Variants in CD96 observed in about 807,000 individuals in gnomAD.
CD96 encodes the protein CD96 molecule.
In CD96, 70 loss-of-function variants were observed where a neutral mutation model predicts 71.3. The ratio of observed to expected loss-of-function variants is 0.98; its 90% CI spans 0.81 to 1.20. CD96 has a LOEUF of 1.20. Among genes scored for constraint, CD96 ranks in the 50% most tolerant of loss-of-function variants. CD96 has a pLI of 0.00. For synonymous variants in CD96, 248 were observed against 233.0 expected, an observed-to-expected ratio of 1.06 and a Z score of -0.59; for missense variants, 742 against 677.5, an observed-to-expected ratio of 1.10 and a Z score of -1.06.
At chr3:111,593,788 G>C (rs1937113454) in intron 5 of CD96, 3 of 1,614,188 alleles carry the variant, frequency 1.9e-6, no homozygotes, top group Middle Eastern at 1.6e-4. Flanking sequence ...GCCTACCCCA[G>C]TTACCCTCAA....
At chr3:111,627,802 C>T (rs963760155) in intron 10 of CD96, among the ~76,000 whole-genome samples, 1 of 152,230 alleles carries the variant, frequency 6.6e-6, no homozygotes, top group African/African-American at 2.4e-5. Flanking sequence ...GAGGAATAGG[C>T]AGGTGGCCAT....
In CD96 at chr3:111,638,260, G is replaced by A; in HGVS notation, c.1477+92G>A. 3.6e-6 allele frequency: 3 copies of A among 832,610 alleles called. No homozygotes were observed. In the South Asian group the frequency reaches 4.0e-5, roughly 11 times the overall value. 51.6% of individuals were successfully genotyped at this position (832,610 alleles called of 1,614,324 possible). ...CTGCCATTTGCCAGGCATTATGCCA[G>A]TTGTTGGATATACAGTGAACACACT... On this transcript the variant is annotated intron_variant, in intron 12 of 13. Coordinates refer to ENST00000352690, the MANE Select transcript of CD96 (RefSeq NM_005816.5).
intron 12 of CD96, among the ~76,000 whole-genome samples, chr3:111,639,933 G>A (rs1425202701): frequency 6.6e-6 from 1 of 152,198 alleles, no homozygotes; most frequent in Non-Finnish European, 1.5e-5. Flanking sequence ...AAAAGGGGGA[G>A]CGTCTACATC....
intron 5 of CD96, among the ~76,000 whole-genome samples, chr3:111,587,848 T>G (rs1172638306): frequency 2.0e-5 from 3 of 152,158 alleles, no homozygotes; most frequent in African/African-American, 7.2e-5. Flanking sequence ...CCCTTTCAGT[T>G]ATGGCTGGAG....
intron 2 of CD96, among the ~76,000 whole-genome samples, chr3:111,547,318 TG>T (rs1266200397): frequency 2.6e-5 from 4 of 152,220 alleles, no homozygotes; most frequent in Non-Finnish European, 5.9e-5. Context: ...ATATGAGCCC[TG>T]CTCCTTCTTT....
rs1469059515 is a variant in CD96 at position 111,602,826 on chromosome 3, A to C, written c.1087+1912A>C. ...AAAATCTGCCATCCCTGAGTGCTAG[A>C]TTAGAGAAACGCTAAGAATATTACA... On this transcript the variant is annotated intron_variant, in intron 7 of 13. Transcript: ENST00000352690. 6.6e-5 allele frequency among the ~76,000 whole-genome samples: 10 copies of C among 152,240 alleles called. No individual in the cohort carries two copies. The East Asian group carries it at 1.9e-3, about 29-fold the overall frequency.
chr3:111,632,320 A>G (rs1939107259), intron 10 of CD96, among the ~76,000 whole-genome samples: 1 of 152,234 alleles, frequency 6.6e-6, no homozygotes, highest in African/African-American at 2.4e-5. Context: ...GGACATGAAC[A>G]GACAGTTCTC....
chr3:111,598,499 A>C (rs1937356192), intron 6 of CD96, among the ~76,000 whole-genome samples: 1 of 152,246 alleles, frequency 6.6e-6, no homozygotes, highest in African/African-American at 2.4e-5. Context: ...GAGGACAAAA[A>C]GTTTAAGTCT....
At chr3:111,557,284 CCTATGTCCTG>C (rs1935115836) in intron 2 of CD96, among the ~76,000 whole-genome samples, 1 of 116,144 alleles carries the variant, frequency 8.6e-6, no homozygotes, top group African/African-American at 4.1e-5. Flanking sequence ...CTTGCCCATG[CCTATGTCCTG>C]AATGGTAATG....
intron 8 of CD96, among the ~76,000 whole-genome samples, chr3:111,623,441 T>G (rs1329775758): frequency 6.6e-6 from 1 of 152,202 alleles, no homozygotes. Flanking sequence ...TCTTCATTGT[T>G]TATTACTATA....
chr3:111,575,969 T>C (rs1576338732), intron 3 of CD96, among the ~76,000 whole-genome samples: 1 of 152,312 alleles, frequency 6.6e-6, no homozygotes, highest in East Asian at 1.9e-4. Context: ...GCAATGAATC[T>C]CCATAATTCC....
At chr3:111,641,738 T>C (rs1314402703) in intron 12 of CD96, among the ~76,000 whole-genome samples, 1 of 152,210 alleles carries the variant, frequency 6.6e-6, no homozygotes, top group Non-Finnish European at 1.5e-5. Flanking sequence ...AGATAGACCA[T>C]ATGATAGGCC....
At chr3:111,576,578 G>C (rs1936231799) in intron 3 of CD96, among the ~76,000 whole-genome samples, 3 of 152,052 alleles carry the variant, frequency 2.0e-5, no homozygotes, top group Non-Finnish European at 2.9e-5. Context: ...TTTGTCCCCG[G>C]TTCTGGGCCT....
At position 111,575,733 on chromosome 3, in the gene CD96, C is replaced by G. The variant is rs559511158; in HGVS notation, c.544-3294C>G. On this transcript the variant is annotated intron_variant, in intron 3 of 13. Coordinates refer to ENST00000352690, the MANE Select transcript of CD96 (RefSeq NM_005816.5). ...TGGTCTCTGTGCTTCCAAGATGGCA[C>G]CTTGAATGCTATGTTCTCCAGAGAG... Among the ~76,000 whole-genome samples, 4 of 152,326 alleles carry G rather than the reference C, an allele frequency of 2.6e-5. No homozygotes were observed. The South Asian group carries it at 6.2e-4, about 24-fold the overall frequency.
intron 14 of CD96, among the ~76,000 whole-genome samples, chr3:111,663,835 A>G (rs7637536): frequency 0.92 from 139,274 of 151,466 alleles, 64,381 homozygotes; most frequent in Middle Eastern, 0.98. Context: ...TGCAAGCTCC[A>G]CCTCCCGGGT....
chr3:111,649,182 G>T (rs559939140), intron 13 of CD96, among the ~76,000 whole-genome samples: 1 of 152,252 alleles, frequency 6.6e-6, no homozygotes, highest in Admixed American at 6.5e-5. Context: ...GTCTCTGGAG[G>T]AATATTTTAA....
chr3:111,637,277 A>C lies in CD96; in HGVS notation c.1387+16A>C. The C allele has an allele frequency of 7.1e-7, 1 of 1,408,510 alleles. No homozygotes were observed. The highest frequency in any genetic ancestry group is 2.3e-5 in the East Asian group (1 of 43,980). The allele number at this position is 1,408,510 out of a possible 1,614,324, so 87.3% of individuals were successfully genotyped here. On this transcript the variant is annotated intron_variant, in intron 11 of 13. Transcript: ENST00000352690. ...ACACTTCATGGTGAGTACTTGGGGAAGATTTAGGGACACTGAAGCTAGTGG... is the reference window on the plus strand; with the variant it reads ...ACACTTCATGGTGAGTACTTGGGGACGATTTAGGGACACTGAAGCTAGTGG...
rs181203452 is a variant in CD96 at position 111,577,055 on chromosome 3, G to A, written c.544-1972G>A. Among the ~76,000 whole-genome samples the A allele has an allele frequency of 5.9e-3, 898 of 152,122 alleles. 3 individuals carry two copies. Among genetic ancestry groups the A allele is most frequent in the South Asian group, 0.014 (67 of 4,820 alleles). On this transcript the variant is annotated intron_variant, in intron 3 of 13. Transcript: ENST00000352690. Reference sequence around the variant, plus strand: ...TTCTGCAAAAGTCAACTGCCCAGGGGAAAAAAGCAACCTTTGGATAAGTTG... The same window carrying A: ...TTCTGCAAAAGTCAACTGCCCAGGGAAAAAAAGCAACCTTTGGATAAGTTG...
intron 3 of CD96, among the ~76,000 whole-genome samples, chr3:111,575,237 T>C (rs2107572501): frequency 6.6e-6 from 1 of 152,352 alleles, no homozygotes; most frequent in East Asian, 1.9e-4. Context: ...TTACTGGCTA[T>C]GAGACCTAAG....
Sources: allele counts gnomAD v4.1 joint callset (sites outside exome capture counted in the v4.1 genomes callset), GRCh38; gene constraint gnomAD v4.1.1; transcripts MANE v1.5; gene names NCBI Gene and HGNC (gene_info 2026-07-23, HGNC 2026-07-21).